The following KPNA7 variants were observed in gnomAD, a reference collection of about 807,000 sequenced individuals.
KPNA7 encodes the protein importin subunit alpha-8.
A neutral mutation model predicts 53.7 loss-of-function variants in KPNA7; 54 were observed. That is an observed-to-expected ratio of 1.01 (90% CI 0.81 to 1.26). The LOEUF is 1.26. Ranked by LOEUF, KPNA7 falls within the 50% of genes most tolerant of loss-of-function variation. The probability of loss-of-function intolerance (pLI) is 0.00; values close to 1 mark genes in which losing one functional copy is unlikely to be tolerated. For missense variants in KPNA7, 640 were observed against 644.5 expected, an observed-to-expected ratio of 0.99 and a Z score of 0.07; for synonymous variants, 276 against 259.3, an observed-to-expected ratio of 1.06 and a Z score of -0.62.
chr7:99,218,092 CT>C (rs958242329), intron 1 of KPNA7, among the ~76,000 whole-genome samples: 2 of 152,044 alleles, frequency 1.3e-5, no homozygotes, highest in Non-Finnish European at 2.9e-5. Flanking sequence ...CTCAAACTCC[CT>C]GGCTCAGGCA....
chr7:99,177,916 T>G lies in KPNA7; in HGVS notation c.1464+4A>C. On this transcript the variant is annotated splice_donor_region_variant and intron_variant, in intron 10 of 10. Coordinates refer to ENST00000327442, the MANE Select transcript of KPNA7 (RefSeq NM_001145715.3). ...ATACTCCTCCACGCTCCTAAGTCAC[T>G]TACCTCACCAAAGTGCTTCTCGATG... 6.4e-7 allele frequency: 1 copy of G among 1,551,670 alleles called. No homozygotes were observed. Among genetic ancestry groups the G allele is most frequent in the Non-Finnish European group, 8.7e-7 (1 of 1,146,920 alleles).
chr7:99,158,556 T>G, the KPNA7 span, among the ~76,000 whole-genome samples: 1 of 152,126 alleles, frequency 6.6e-6, no homozygotes, highest in Non-Finnish European at 1.5e-5. Flanking sequence ...CAGGCTGGAG[T>G]GCAGTGGCAC....
chr7:99,154,485 T>C, the KPNA7 span, among the ~76,000 whole-genome samples: 1 of 152,032 alleles, frequency 6.6e-6, no homozygotes, highest in South Asian at 2.1e-4. Flanking sequence ...TTCAGGTCAT[T>C]TATCAGACTT....
At chr7:99,188,895 T>C (rs1286531924) in intron 6 of KPNA7, among the ~76,000 whole-genome samples, 2 of 152,134 alleles carry the variant, frequency 1.3e-5, no homozygotes, top group African/African-American at 4.8e-5. Context: ...TTGCCCAGAC[T>C]GGTCTTGAAC....
At chr7:99,212,467 T>C (rs1791101496), upstream of KPNA7, among the ~76,000 whole-genome samples, 1 of 151,928 alleles carries the variant, frequency 6.6e-6, no homozygotes, top group African/African-American at 2.4e-5. Flanking sequence ...ATTGCTGAGC[T>C]GGTCTCAAAC....
intron 1 of KPNA7, among the ~76,000 whole-genome samples, chr7:99,215,903 G>A (rs1390754347): frequency 1.3e-5 from 2 of 151,844 alleles, no homozygotes; most frequent in Non-Finnish European, 2.9e-5. Flanking sequence ...GAGCCCAGTA[G>A]GTTGAGGCTG....
At chr7:99,161,316 CAGGAAGCCCAAG>C in the KPNA7 span, among the ~76,000 whole-genome samples, 2 of 151,718 alleles carry the variant, frequency 1.3e-5, no homozygotes, top group Admixed American at 6.6e-5. Context: ...ATTGGAGATT[CAGGAAGCCCAAG>C]GGAAAGCCTG....
At chr7:99,180,805 CT>C (rs1799172272) in intron 9 of KPNA7, among the ~76,000 whole-genome samples, 1 of 76,818 alleles carries the variant, frequency 1.3e-5, no homozygotes, top group Non-Finnish European at 3.3e-5. Context: ...CTCTCTCTCT[CT>C]CCCCGTCTGT....
At chr7:99,218,570 C>T (rs1294622134) in intron 1 of KPNA7, among the ~76,000 whole-genome samples, 3 of 152,184 alleles carry the variant, frequency 2.0e-5, no homozygotes, top group Non-Finnish European at 2.9e-5. Flanking sequence ...CGCAAGCCCG[C>T]GTCTGGGCTC....
At chr7:99,163,374 TATATA>T in the KPNA7 span, among the ~76,000 whole-genome samples, 7 of 63,190 alleles carry the variant, frequency 1.1e-4, no homozygotes, top group East Asian at 1.1e-3. Context: ...TATATATATA[TATATA>T]TATATTTTTT....
chr7:99,162,664 G>A, the KPNA7 span, among the ~76,000 whole-genome samples: 1 of 152,118 alleles, frequency 6.6e-6, no homozygotes, highest in Non-Finnish European at 1.5e-5. Flanking sequence ...GAAAAAAAGA[G>A]GTTGACAGTA....
At chr7:99,177,867 GA>G (rs1178210651) in intron 10 of KPNA7, 52 bp downstream of exon 10, 2 of 1,538,778 alleles carry the variant, frequency 1.3e-6, no homozygotes, top group East Asian at 4.9e-5. Flanking sequence ...ACCCTCTGCA[GA>G]GCTGCCCCAC....
At chr7:99,183,775 G>A (rs191174378) in intron 8 of KPNA7, among the ~76,000 whole-genome samples, 1 of 152,274 alleles carries the variant, frequency 6.6e-6, no homozygotes, top group Non-Finnish European at 1.5e-5. Context: ...TTTAAAGGTG[G>A]CAAAAAGAAA....
intron 5 of KPNA7, among the ~76,000 whole-genome samples, chr7:99,193,704 A>T (rs1252631057): frequency 2.7e-5 from 4 of 150,298 alleles, no homozygotes; most frequent in Non-Finnish European, 4.4e-5. Flanking sequence ...GGGATACAGG[A>T]TCTCACTCTA....
At chr7:99,213,301 T>C (rs1198327654) in intron 1 of KPNA7, among the ~76,000 whole-genome samples, 1 of 151,720 alleles carries the variant, frequency 6.6e-6, no homozygotes, top group Non-Finnish European at 1.5e-5. Context: ...AGCTAACTTT[T>C]GTATTTTTAG....
the KPNA7 span, among the ~76,000 whole-genome samples, chr7:99,160,857 G>C: frequency 9.2e-5 from 14 of 151,890 alleles, no homozygotes; most frequent in African/African-American, 3.4e-4. Flanking sequence ...TCGTATAGCA[G>C]AGTGATTGTA....
At chr7:99,184,724 C>T (rs1789487197) in intron 8 of KPNA7, among the ~76,000 whole-genome samples, 1 of 152,156 alleles carries the variant, frequency 6.6e-6, no homozygotes. Context: ...TTGAATAATG[C>T]TTGTTCCGTC....
chr7:99,156,496 A>G, the KPNA7 span, among the ~76,000 whole-genome samples: 1 of 151,980 alleles, frequency 6.6e-6, no homozygotes, highest in Non-Finnish European at 1.5e-5. Context: ...GAACCCTTTC[A>G]GCCTAGAGAT....
chr7:99,195,298 C>A lies in KPNA7; in HGVS notation c.325G>T (p.Val109Phe). 1 of 1,551,526 alleles carries A rather than the reference C, an allele frequency of 6.4e-7. No homozygotes were observed. Among genetic ancestry groups the A allele is most frequent in the South Asian group, 1.2e-5 (1 of 84,062 alleles). The change falls in exon 5 of 11, where the codon GTC becomes TTC. Residue 109 changes from valine to phenylalanine, a missense_variant. Transcript: ENST00000327442. ...CTGGGAATGAGGCCCGCTTCAATGA[C>A]CAGTTTCAGAGGGGGGTTCTTTTCC... The part of the protein sequence containing the change: ...SQEKNPPLKL[V>F]IEAGLIPRMV...
Sources: allele counts gnomAD v4.1 joint callset (sites outside exome capture counted in the v4.1 genomes callset), GRCh38; gene constraint gnomAD v4.1.1; transcripts MANE v1.5; gene names NCBI Gene and HGNC (gene_info 2026-07-23, HGNC 2026-07-21).